IQSEC3: variants seen among roughly 807,000 people sequenced by gnomAD.
IQSEC3 encodes IQ motif and Sec7 domain ArfGEF 3.
IQSEC3 carries 50 observed loss-of-function variants against 105.4 expected under a neutral mutation model. The ratio of observed to expected loss-of-function variants is 0.47; its 90% CI spans 0.38 to 0.60. The LOEUF is 0.60. Ranked by LOEUF, IQSEC3 falls within the 20% of genes least tolerant of loss-of-function variation. The pLI is 0.00. For synonymous variants in IQSEC3, 708 were observed against 746.0 expected (o/e 0.95, Z 0.83); for missense variants, 1,415 against 1,630.0 (o/e 0.87, Z 2.27).
chr12:124,389 C>CAAAAA (rs55767927), intron 2 of IQSEC3, among the ~76,000 whole-genome samples: 1 of 124,978 alleles, frequency 8.0e-6, no homozygotes, highest in Non-Finnish European at 1.6e-5. Flanking sequence ...AACTCCATCT[C>CAAAAA]AAAAAAAAAA....
chr12:109,190 T>C (rs1555078840), intron 2 of IQSEC3, among the ~76,000 whole-genome samples: 2 of 152,230 alleles, frequency 1.3e-5, no homozygotes, highest in East Asian at 1.9e-4. Flanking sequence ...CTGTTTCACA[T>C]AAAAAGTCAG....
rs1555083151 is a variant in IQSEC3 at position 125,791 on chromosome 12, G to A, written c.782G>A (p.Arg261Lys). 2 of 1,520,086 alleles carry A rather than the reference G, an allele frequency of 1.3e-6. No individual in the cohort carries two copies. The highest frequency in any genetic ancestry group is 8.8e-7 in the Non-Finnish European group (1 of 1,140,456). The allele number at this position is 1,520,086 out of a possible 1,614,324, so 94.2% of individuals were successfully genotyped here. A position where few individuals can be genotyped will look rare whatever the true frequency, so the allele number is the denominator to read the frequency against. ...ERPGAGAASP[R>K]AGPQHKASPG... The stretch of plus-strand genomic sequence containing the variant: ...CCGGGGGCAGGGGCTGCCTCCCCAA[G>A]GGCTGGCCCCCAGCACAAGGCCTCC... Residue 261 changes from arginine to lysine, a missense_variant, in exon 3 of 14, where the codon AGG becomes AAG. This residue lies in a region of IQSEC3 where 720 missense variants were observed against 633.0 expected (regional missense o/e 1.14). Coordinates refer to ENST00000538872, the MANE Select transcript of IQSEC3 (RefSeq NM_001170738.2).
At chr12:72,061 G>C (rs1555067688) in intron 1 of IQSEC3, among the ~76,000 whole-genome samples, 16 of 152,374 alleles carry the variant, frequency 1.1e-4, no homozygotes, top group Non-Finnish European at 1.0e-4. Context: ...TGGTCTCTGG[G>C]AAACCCTGAT....
chr12:129,819 C>A (rs1202151280), intron 3 of IQSEC3, among the ~76,000 whole-genome samples: 1 of 152,164 alleles, frequency 6.6e-6, no homozygotes, highest in Admixed American at 6.5e-5. Flanking sequence ...TGGAGAGCAG[C>A]CCCTCCCCAC....
chr12:99,096 G>C (rs782466739), intron 1 of IQSEC3, 50 bp from the exon 2 acceptor site: 1 of 1,533,606 alleles, frequency 6.5e-7, no homozygotes. Flanking sequence ...AGGCAGGGCG[G>C]GGACCCAGCC....
intron 3 of IQSEC3, 54 bp downstream of exon 3, chr12:125,966 G>A (rs534796362): frequency 5.8e-5 from 87 of 1,496,104 alleles, no homozygotes; most frequent in South Asian, 1.4e-4. Context: ...CCCTGCTTTG[G>A]GGGCTGTCGA....
chr12:158,440 T>A (rs1403733147), intron 7 of IQSEC3, among the ~76,000 whole-genome samples: 1 of 152,180 alleles, frequency 6.6e-6, no homozygotes. Context: ...GCCTGAAGTT[T>A]GATGAATGTG....
intron 5 of IQSEC3, 55 bp downstream of exon 5, chr12:141,340 G>C (rs1180056002): frequency 6.4e-7 from 1 of 1,567,660 alleles, no homozygotes; most frequent in South Asian, 1.1e-5. Context: ...CCACCTGCCC[G>C]GGCTCTCTCT....
chr12:108,488 A>AGGATGGCCTT (rs1565401410), intron 2 of IQSEC3, among the ~76,000 whole-genome samples: 1 of 152,252 alleles, frequency 6.6e-6, no homozygotes, highest in East Asian at 1.9e-4. Flanking sequence ...TCTATCACTC[A>AGGATGGCCTT]GGATGGCCTA....
At position 165,790 on chromosome 12, in the gene IQSEC3, G is replaced by A. The variant is rs369432051; in HGVS notation, c.2871G>A (p.Leu957=). The part of the protein sequence containing the change: ...PLSGSEKKQV[L]HFCALGSDEM... ...CGGGCTCCGAGAAGAAGCAGGTGCT[G>A]CATTTCTGTGCCCTGGGCTCGGACG... The change falls in exon 11 of 14, where the codon CTG becomes CTA. Residue 957 remains leucine (L), a synonymous_variant. Transcript: ENST00000538872. 4 of 1,614,054 alleles carry A rather than the reference G, an allele frequency of 2.5e-6. No individual in the cohort carries two copies. The highest frequency in any genetic ancestry group is 3.4e-6 in the Non-Finnish European group (4 of 1,180,050).
intron 3 of IQSEC3, among the ~76,000 whole-genome samples, chr12:128,478 C>T (rs1865486059): frequency 1.3e-5 from 2 of 152,108 alleles, no homozygotes; most frequent in South Asian, 2.1e-4. Flanking sequence ...CCAGTGATTC[C>T]GCCAGCCACA....
At chr12:166,883 C>T (rs150919372) in intron 11 of IQSEC3, 10 of 152,318 alleles carry the variant, frequency 6.6e-5, no homozygotes, top group Admixed American at 5.9e-4. Context: ...TGCATTGACC[C>T]CACTCTGCAG....
intron 12 of IQSEC3, among the ~76,000 whole-genome samples, chr12:169,885 A>G (rs1333394612): frequency 6.6e-6 from 1 of 152,100 alleles, no homozygotes; most frequent in Non-Finnish European, 1.5e-5. Context: ...TTACTCTCAC[A>G]CTCAACAAAC....
chr12:151,992 CTCA>C (rs1555092794), intron 5 of IQSEC3, among the ~76,000 whole-genome samples: 2 of 152,150 alleles, frequency 1.3e-5, no homozygotes, highest in Non-Finnish European at 2.9e-5. Flanking sequence ...CTACATAGAA[CTCA>C]TCATGACTAT....
At chr12:123,142 T>C (rs1295045494) in intron 2 of IQSEC3, among the ~76,000 whole-genome samples, 5 of 152,178 alleles carry the variant, frequency 3.3e-5, no homozygotes, top group Admixed American at 6.5e-5. Flanking sequence ...CGCTGGCTCA[T>C]GCCTGCAATC....
At chr12:141,032 T>C (rs1865998616) in intron 4 of IQSEC3, 92 bp from the exon 5 acceptor site, 1 of 1,323,952 alleles carries the variant, frequency 7.6e-7, no homozygotes, top group African/African-American at 1.5e-5. Flanking sequence ...TCCAAGAACC[T>C]CTGGGTACTT....
intron 11 of IQSEC3, chr12:166,775 AG>A (rs1166796331): frequency 2.6e-5 from 4 of 152,208 alleles, no homozygotes; most frequent in African/African-American, 9.7e-5. Flanking sequence ...TGAATGTGAC[AG>A]GCTGGTGCTT....
intron 2 of IQSEC3, among the ~76,000 whole-genome samples, chr12:113,418 A>G (rs782593280): frequency 9.2e-5 from 14 of 152,234 alleles, no homozygotes; most frequent in Non-Finnish European, 1.8e-4. Context: ...TTAAGACCAG[A>G]GCCTATGCAA....
At chr12:79,849 C>A (rs1050850559) in intron 1 of IQSEC3, among the ~76,000 whole-genome samples, 1 of 152,194 alleles carries the variant, frequency 6.6e-6, no homozygotes, top group Non-Finnish European at 1.5e-5. Flanking sequence ...ACTATTATTT[C>A]TCACGTCTTT....
Sources: gnomAD v4.1 joint callset for allele counts (sites outside exome capture counted in the v4.1 genomes callset) on GRCh38, gnomAD v4.1.1 for gene constraint, gnomAD v4.1.1 regional missense constraint, MANE v1.5 for transcripts, NCBI Gene and HGNC (gene_info 2026-07-23, HGNC 2026-07-21) for gene names.